PALLD: variants seen among roughly 807,000 people sequenced by gnomAD.
PALLD encodes the protein palladin.
PALLD carries 61 observed loss-of-function variants against 123.5 expected under a neutral mutation model. The observed-to-expected ratio is 0.49, with a 90% CI of 0.40 to 0.61. The LOEUF is 0.61. PALLD is among the 20% of genes least tolerant of loss of function. The pLI, the probability that PALLD is intolerant of heterozygous loss-of-function variation, is 0.00. For synonymous variants in PALLD, 465 were observed against 496.4 expected (o/e 0.94, Z 0.84); for missense variants, 1,273 against 1,377.0 (o/e 0.92, Z 1.20).
intron 10 of PALLD, among the ~76,000 whole-genome samples, chr4:168,780,121 A>G (rs376551940): frequency 6.6e-6 from 1 of 151,714 alleles, no homozygotes; most frequent in Non-Finnish European, 1.5e-5. Flanking sequence ...CTGGTCTCGA[A>G]CTCCTGACCT....
At chr4:168,913,741 A>G (rs1282546008) in intron 15 of PALLD, among the ~76,000 whole-genome samples, 186 bp from the exon 16 acceptor site, 1 of 152,150 alleles carries the variant, frequency 6.6e-6, no homozygotes, top group Non-Finnish European at 1.5e-5. Context: ...TCAAGTAAAA[A>G]TAGTTTTACT....
intron 10 of PALLD, among the ~76,000 whole-genome samples, chr4:168,803,684 CAA>C (rs5863961): frequency 7.3e-5 from 10 of 137,670 alleles, no homozygotes; most frequent in Admixed American, 1.5e-4. Context: ...GACCCTGTCT[CAA>C]AAAAAAAAAA....
intron 10 of PALLD, among the ~76,000 whole-genome samples, chr4:168,750,799 C>T (rs1267231552): frequency 4.6e-5 from 7 of 152,142 alleles, no homozygotes; most frequent in African/African-American, 1.7e-4. Flanking sequence ...ATATCTTCTC[C>T]AGAAAGACTT....
rs1779842739 is a variant in PALLD, at chr4:168,668,231, T to C, written c.950T>C (p.Ile317Thr). The C allele has an allele frequency of 1.2e-6, 2 of 1,614,196 alleles. No homozygotes were observed. The highest frequency in any genetic ancestry group is 8.5e-7 in the Non-Finnish European group (1 of 1,180,016). The change falls in exon 3 of 22, where the codon ATT (isoleucine) becomes ACT (threonine). Residue 317 changes from isoleucine (I) to threonine (T), a missense_variant. Transcript: ENST00000505667. Reference protein sequence around the residue: ...EGKELHNTPDIQIHCEGGDLH... With the variant: ...EGKELHNTPDTQIHCEGGDLH... ...AAAGAACTGCACAACACTCCTGATA[T>C]TCAAATCCACTGTGAGGGAGGGGAC...
At chr4:168,509,352 T>C (rs1762315612) in intron 1 of PALLD, among the ~76,000 whole-genome samples, 1 of 152,208 alleles carries the variant, frequency 6.6e-6, no homozygotes, top group Non-Finnish European at 1.5e-5. Flanking sequence ...AATTGTAATA[T>C]ATTACTGATT....
chr4:168,525,954 T>C lies in PALLD; in HGVS notation c.908+13542T>C, dbSNP rs1007756700. 9.2e-5 allele frequency among the ~76,000 whole-genome samples: 14 copies of C among 152,228 alleles called. No individual in the cohort carries two copies. The East Asian group carries it at 1.9e-3, about 21-fold the overall frequency. On this transcript the variant is annotated intron_variant, in intron 2 of 21. Coordinates refer to ENST00000505667, the MANE Select transcript of PALLD (RefSeq NM_001166108.2). ...TATATAATGTATACTGTAACACTTA[T>C]GTTGCCAATTTTAAAATTTTATACT... is the stretch of plus-strand genomic sequence containing the variant.
intron 10 of PALLD, chr4:168,878,358 T>A: frequency 6.6e-7 from 1 of 1,518,416 alleles, no homozygotes. Context: ...CCGGCGGCCG[T>A]CAACGCCCTG....
intron 10 of PALLD, among the ~76,000 whole-genome samples, chr4:168,720,230 A>G (rs17614314): frequency 0.095 from 14,520 of 152,260 alleles, 676 homozygotes; most frequent in South Asian, 0.13. Flanking sequence ...CATCATACAA[A>G]TTTTGTAGAA....
At chr4:168,646,585 A>C (rs1240290455) in intron 2 of PALLD, among the ~76,000 whole-genome samples, 1 of 152,204 alleles carries the variant, frequency 6.6e-6, no homozygotes, top group Non-Finnish European at 1.5e-5. Context: ...ATCACTTGTG[A>C]AATGGTGCAC....
At chr4:168,565,269 A>G (rs1768259077) in intron 2 of PALLD, among the ~76,000 whole-genome samples, 1 of 152,158 alleles carries the variant, frequency 6.6e-6, no homozygotes, top group Non-Finnish European at 1.5e-5. Context: ...TCATTAAACA[A>G]ATATTCATTG....
At chr4:168,501,962 C>CAGA (rs3036320) in intron 1 of PALLD, among the ~76,000 whole-genome samples, 108,462 of 151,800 alleles carry the variant, frequency 0.71, 39,031 homozygotes, top group African/African-American at 0.79. Context: ...TAAGAAAATG[C>CAGA]AGATCAAACC....
chr4:168,743,209 T>A (rs1303288581), intron 10 of PALLD, among the ~76,000 whole-genome samples: 1 of 152,216 alleles, frequency 6.6e-6, no homozygotes, highest in Non-Finnish European at 1.5e-5. Context: ...GCACATAATC[T>A]ACACTCAATA....
intron 1 of PALLD, among the ~76,000 whole-genome samples, chr4:168,510,111 A>C (rs1281227881): frequency 6.6e-6 from 1 of 151,958 alleles, no homozygotes; most frequent in Non-Finnish European, 1.5e-5. Flanking sequence ...TCACTCCTAG[A>C]CTCAGTCTTG....
At chr4:168,892,896 T>C (rs1479349111) in intron 11 of PALLD, among the ~76,000 whole-genome samples, 1 of 152,192 alleles carries the variant, frequency 6.6e-6, no homozygotes, top group Non-Finnish European at 1.5e-5. Context: ...GTTCCACAGG[T>C]ATCCACACTT....
intron 5 of PALLD, 103 bp downstream of exon 5, chr4:168,683,206 A>C: frequency 3.1e-6 from 2 of 635,744 alleles, no homozygotes; most frequent in Non-Finnish European, 5.6e-6. Flanking sequence ...CTCCCTTGAA[A>C]TATTTTCTAA....
chr4:168,676,948 C>T (rs1222272563), intron 3 of PALLD, among the ~76,000 whole-genome samples: 1 of 152,046 alleles, frequency 6.6e-6, no homozygotes, highest in Admixed American at 6.6e-5. Context: ...TGTGACATTT[C>T]CACTGGCCAA....
At chr4:168,576,732 T>A (rs898609345) in intron 2 of PALLD, among the ~76,000 whole-genome samples, 1 of 152,192 alleles carries the variant, frequency 6.6e-6, no homozygotes, top group African/African-American at 2.4e-5. Flanking sequence ...TGATTTATAA[T>A]CCTTTGGGTA....
chr4:168,650,177 A>G (rs1777893738), intron 2 of PALLD, among the ~76,000 whole-genome samples: 1 of 152,226 alleles, frequency 6.6e-6, no homozygotes, highest in Non-Finnish European at 1.5e-5. Context: ...TCCATCTGAA[A>G]GAAAAGAAAA....
At chr4:168,674,125 G>A (rs947542211) in intron 3 of PALLD, among the ~76,000 whole-genome samples, 12 of 152,164 alleles carry the variant, frequency 7.9e-5, no homozygotes, top group African/African-American at 2.7e-4. Context: ...ATGGTGGCCA[G>A]GCTGGTCTCA....
Sources: allele counts gnomAD v4.1 joint callset (sites outside exome capture counted in the v4.1 genomes callset), GRCh38; gene constraint gnomAD v4.1.1; transcripts MANE v1.5; gene names NCBI Gene and HGNC (gene_info 2026-07-23, HGNC 2026-07-21).